Variants in MBNL1 observed in about 807,000 individuals in gnomAD.
MBNL1 encodes the protein muscleblind like splicing regulator 1, also known as muscleblind-like protein 1.
MBNL1 carries 8 observed loss-of-function variants against 42.2 expected under a neutral mutation model. The observed-to-expected ratio is 0.19, with a 90% CI of 0.11 to 0.34. The LOEUF is 0.34. MBNL1 is among the 10% of genes least tolerant of loss of function. The pLI, the probability that MBNL1 is intolerant of heterozygous loss-of-function variation, is 1.00. For missense variants in MBNL1, 309 were observed against 495.3 expected, an observed-to-expected ratio of 0.62 and a Z score of 3.57; for synonymous variants, 169 against 173.9, an observed-to-expected ratio of 0.97 and a Z score of 0.22.
At chr3:152,455,696 C>T (rs1216645036) in intron 7 of MBNL1, 119 bp downstream of exon 7, 3 of 845,396 alleles carry the variant, frequency 3.5e-6, no homozygotes, top group Admixed American at 2.2e-5. Flanking sequence ...CTTTTACTAA[C>T]ACTTGTCAAT....
intron 4 of MBNL1, among the ~76,000 whole-genome samples, chr3:152,443,121 T>C (rs1372415928): frequency 6.6e-6 from 1 of 151,910 alleles, no homozygotes; most frequent in Non-Finnish European, 1.5e-5. Flanking sequence ...TCTTTCTAAA[T>C]GTTCCACAGG....
intron 2 of MBNL1, among the ~76,000 whole-genome samples, chr3:152,329,029 G>A (rs984103175): frequency 7.2e-5 from 11 of 152,024 alleles, no homozygotes; most frequent in Non-Finnish European, 1.5e-5. Flanking sequence ...AATACTAGGG[G>A]AAAAACTGAC....
At chr3:152,448,674 G>A (rs982868703) in intron 6 of MBNL1, among the ~76,000 whole-genome samples, 2 of 151,830 alleles carry the variant, frequency 1.3e-5, no homozygotes, top group Non-Finnish European at 2.9e-5. Context: ...CAAAAATCCA[G>A]CTCCCAATTT....
At chr3:152,389,041 G>T (rs986207967) in intron 2 of MBNL1, among the ~76,000 whole-genome samples, 3 of 152,130 alleles carry the variant, frequency 2.0e-5, no homozygotes, top group Non-Finnish European at 4.4e-5. Context: ...ATATTTCATA[G>T]ATTTAAATGG....
intron 6 of MBNL1, among the ~76,000 whole-genome samples, chr3:152,453,993 A>AC (rs1728674989): frequency 6.6e-6 from 1 of 152,152 alleles, no homozygotes. Context: ...CCCTACCATT[A>AC]AGACAGTAAT....
intron 2 of MBNL1, among the ~76,000 whole-genome samples, chr3:152,378,609 A>G (rs1398575430): frequency 1.3e-5 from 2 of 152,154 alleles, no homozygotes; most frequent in Non-Finnish European, 2.9e-5. Context: ...TTTCTCTTTG[A>G]AATCTTCCAA....
intron 2 of MBNL1, among the ~76,000 whole-genome samples, chr3:152,310,461 C>T (rs2065710774): frequency 6.6e-6 from 1 of 152,112 alleles, no homozygotes; most frequent in African/African-American, 2.4e-5. Flanking sequence ...GTTTAAATAG[C>T]AAGATTATGA....
chr3:152,305,010 C>T (rs939501640), intron 2 of MBNL1, among the ~76,000 whole-genome samples: 5 of 152,076 alleles, frequency 3.3e-5, no homozygotes, highest in African/African-American at 4.8e-5. Context: ...TGGTACACTG[C>T]GTCTACTTTT....
intron 2 of MBNL1, among the ~76,000 whole-genome samples, chr3:152,315,975 C>T (rs1560110228): frequency 6.6e-6 from 1 of 152,094 alleles, no homozygotes; most frequent in African/African-American, 2.4e-5. Context: ...CTGAAGTTCT[C>T]ATAATAAAAA....
At chr3:152,405,626 T>C (rs2098408217) in intron 2 of MBNL1, among the ~76,000 whole-genome samples, 1 of 152,166 alleles carries the variant, frequency 6.6e-6, no homozygotes, top group African/African-American at 2.4e-5. Flanking sequence ...TTTCAAGAGA[T>C]TGTTAGAAGA....
intron 2 of MBNL1, among the ~76,000 whole-genome samples, chr3:152,317,810 A>G (rs1049137663): frequency 2.0e-5 from 3 of 152,218 alleles, no homozygotes; most frequent in Admixed American, 6.5e-5. Flanking sequence ...GTTCAAAAAG[A>G]CGATAAAGGA....
intron 2 of MBNL1, among the ~76,000 whole-genome samples, chr3:152,337,756 T>G (rs576446676): frequency 7.2e-5 from 11 of 152,288 alleles, no homozygotes; most frequent in Admixed American, 3.3e-4. Flanking sequence ...TCTACTTGCT[T>G]CTTCTTTGTA....
chr3:152,289,729 G>A (rs2054742244), intron 1 of MBNL1, among the ~76,000 whole-genome samples: 1 of 152,084 alleles, frequency 6.6e-6, no homozygotes, highest in African/African-American at 2.4e-5. Context: ...AAGGTCAGTT[G>A]TATAAGTCAA....
At chr3:152,283,047 T>C (rs1184522220) in intron 1 of MBNL1, among the ~76,000 whole-genome samples, 1 of 152,164 alleles carries the variant, frequency 6.6e-6, no homozygotes, top group African/African-American at 2.4e-5. Flanking sequence ...CATTTTGGCA[T>C]CATGATAGGA....
intron 4 of MBNL1, among the ~76,000 whole-genome samples, chr3:152,435,966 A>G (rs1372716788): frequency 6.6e-6 from 1 of 152,182 alleles, no homozygotes; most frequent in Non-Finnish European, 1.5e-5. Flanking sequence ...GGTTTTCTAA[A>G]TAAAGAAACA....
chr3:152,284,563 AAAG>A (rs924556515), intron 1 of MBNL1, among the ~76,000 whole-genome samples: 13 of 151,952 alleles, frequency 8.6e-5, no homozygotes, highest in African/African-American at 2.4e-4. Context: ...AGTTTTAAAA[AAAG>A]ATCGCAAAAA....
intron 2 of MBNL1, among the ~76,000 whole-genome samples, chr3:152,353,048 A>G (rs1185094386): frequency 2.0e-4 from 31 of 152,326 alleles, no homozygotes; most frequent in Non-Finnish European, 2.9e-5. Flanking sequence ...TTAAATCCAG[A>G]CAGATTTAAA....
At chr3:152,433,264 T>TTTG (rs376289137) in intron 4 of MBNL1, among the ~76,000 whole-genome samples, 14 of 151,852 alleles carry the variant, frequency 9.2e-5, no homozygotes, top group African/African-American at 2.7e-4. Flanking sequence ...CTCCTGAATG[T>TTTG]TTGTTGTTGT....
At chr3:152,339,178 G>C (rs1015296161) in intron 2 of MBNL1, among the ~76,000 whole-genome samples, 1 of 151,954 alleles carries the variant, frequency 6.6e-6, no homozygotes, top group Non-Finnish European at 1.5e-5. Context: ...GTAGTGCTAG[G>C]GATGCATTAC....
Sources: gnomAD v4.1 joint callset for allele counts (sites outside exome capture counted in the v4.1 genomes callset) on GRCh38, gnomAD v4.1.1 for gene constraint, MANE v1.5 for transcripts, NCBI Gene and HGNC (gene_info 2026-07-23, HGNC 2026-07-21) for gene names.